Variants in BRAT1 observed in about 807,000 individuals in gnomAD.
BRAT1 encodes BRCA1 associated ATM activator 1, also known as integrator complex assembly factor BRAT1.
In BRAT1, 74 loss-of-function variants were observed where a neutral mutation model predicts 70.6. The observed-to-expected ratio is 1.05, with a 90% CI of 0.87 to 1.27. BRAT1 has a LOEUF of 1.27. Among genes scored for constraint, BRAT1 ranks in the 50% most tolerant of loss-of-function variants. BRAT1 has a pLI of 0.00. For synonymous variants in BRAT1, 615 were observed against 517.1 expected (o/e 1.19, Z -2.57); for missense variants, 1,203 against 1,098.2 (o/e 1.10, Z -1.35).
chr7:2,543,187 T>C lies in BRAT1; in HGVS notation c.923+17A>G, dbSNP rs751831374. On this transcript the variant is annotated intron_variant, in intron 6 of 13. Transcript: ENST00000340611. This position sits in a 1 kb window ranked among gnomAD's most constrained non-coding sequence, Gnocchi z 5.5. ...TCCCAGCACCCGCCTCGGAATGAAA[T>C]GCACCCCAGACCATACCAGTGCTCG... 2 of 1,550,480 alleles carry C rather than the reference T, an allele frequency of 1.3e-6. No homozygotes were observed. Among genetic ancestry groups the C allele is most frequent in the East Asian group, 2.4e-5 (1 of 42,122 alleles).
At chr7:2,546,500 G>A (rs1230723428) in intron 3 of BRAT1, among the ~76,000 whole-genome samples, 3 of 152,204 alleles carry the variant, frequency 2.0e-5, no homozygotes, top group South Asian at 2.1e-4. Context: ...TTGGGAGGCC[G>A]AGGCAGACGG....
chr7:2,542,014 G>T, intron 7 of BRAT1, 106 bp downstream of exon 7: 1 of 1,244,936 alleles, frequency 8.0e-7, no homozygotes, highest in Non-Finnish European at 1.1e-6. Flanking sequence ...GCCTGGGTGT[G>T]ATTAAAGTGG....
In BRAT1 at chr7:2,541,789, G is replaced by C; in HGVS notation, c.1063C>G (p.Leu355Val). 6.2e-7 allele frequency: 1 copy of C among 1,612,850 alleles called. No homozygotes were observed. Among genetic ancestry groups the C allele is most frequent in the Middle Eastern group, 1.7e-4 (1 of 6,058 alleles). ...CCGGCGCAGGACGACTTGGAGGCCA[G>C]GAGTGTGTCCACCGTCGTGGCATCG... The part of the protein sequence containing the change: ...ADDATTVDTL[L>V]ASKSSCAGLL... The change falls in exon 8 of 14, where the codon CTG becomes GTG. Residue 355 changes from leucine (L) to valine (V), a missense_variant. By Grantham distance (32) the Leu-to-Val change is conservative. Coordinates refer to ENST00000340611, the MANE Select transcript of BRAT1 (RefSeq NM_152743.4).
chr7:2,543,543 A>G lies in BRAT1; in HGVS notation c.803+47T>C. 1 of 1,498,118 alleles carries G rather than the reference A, an allele frequency of 6.7e-7. No homozygotes were observed. Among genetic ancestry groups the G allele is most frequent in the Non-Finnish European group, 8.9e-7 (1 of 1,124,154 alleles). 92.8% of individuals were successfully genotyped at this position (1,498,118 alleles called of 1,614,324 possible). ...GACATCCCTGGGCGTTATCCGAGGA[A>G]AACAGTTGCCCACCCAGGCCCCCCA... is the stretch of plus-strand genomic sequence containing the variant. On this transcript the variant is annotated intron_variant, in intron 5 of 13. Coordinates refer to ENST00000340611, the MANE Select transcript of BRAT1 (RefSeq NM_152743.4). This position sits in a 1 kb window ranked among gnomAD's most constrained non-coding sequence, Gnocchi z 5.5.
At chr7:2,547,004 G>T (rs2164690) in intron 3 of BRAT1, among the ~76,000 whole-genome samples, 1 of 53,122 alleles carries the variant, frequency 1.9e-5, no homozygotes, top group Non-Finnish European at 3.2e-5. Context: ...CGGCGCAGCT[G>T]CGACTCCTGT....
rs753918187 is a variant in BRAT1, at chr7:2,541,294, T to A, written c.1321+4A>T. 1 of 1,578,818 alleles carries A rather than the reference T, an allele frequency of 6.3e-7. No homozygotes were observed. Among genetic ancestry groups the A allele is most frequent in the South Asian group, 1.1e-5 (1 of 87,994 alleles). Reference sequence around the variant, plus strand: ...CACGCCAAAGCCGTACAGAACACACTCACCTGTCCCCTGTGACAGCGTCCC... The same window carrying A: ...CACGCCAAAGCCGTACAGAACACACACACCTGTCCCCTGTGACAGCGTCCC... On this transcript the variant is annotated splice_donor_region_variant and intron_variant, in intron 9 of 13. Transcript: ENST00000340611.
intron 3 of BRAT1, among the ~76,000 whole-genome samples, chr7:2,546,909 C>T (rs933303330): frequency 2.0e-5 from 3 of 152,086 alleles, no homozygotes; most frequent in South Asian, 2.1e-4. Flanking sequence ...GGCGCAGCTA[C>T]GACTCCTGTC....
Position 2,538,280 on chromosome 7 carries a change from A to C in BRAT1, c.2255T>G (p.Leu752Arg), listed in dbSNP as rs1184068311. ...CTGCTCACCCGCCCGCCACCTCGGC[A>C]GGGTGGCCTCTGCGGAGGCAGTGTT... ...SPNTASAEAT[L>R]PRWRAGEQAQ... Residue 752 changes from leucine to arginine, a missense_variant, in exon 14 of 14, where the codon CTG becomes CGG. Physicochemically the swap from Leu to Arg is moderately radical, Grantham distance 102. Coordinates refer to ENST00000340611, the MANE Select transcript of BRAT1 (RefSeq NM_152743.4). 1.2e-6 allele frequency: 2 copies of C among 1,612,020 alleles called. No homozygotes were observed. The highest frequency in any genetic ancestry group is 4.5e-5 in the East Asian group (2 of 44,864).
chr7:2,544,840 A>G (rs556667723), intron 4 of BRAT1, 69 bp downstream of exon 4: 3 of 1,528,672 alleles, frequency 2.0e-6, no homozygotes, highest in Non-Finnish European at 2.6e-6. Flanking sequence ...CAGATTCAGC[A>G]AGGTGCAGTG....
Position 2,541,360 on chromosome 7 carries a change from G to C in BRAT1, c.1259C>G (p.Ala420Gly), listed in dbSNP as rs779635361. Residue 420 changes from alanine to glycine, a missense_variant, in exon 9 of 14, where the codon GCG becomes GGG. Ala to Gly is a moderately conservative substitution (Grantham distance 60, BLOSUM62 0). Transcript: ENST00000340611. ...SVGGHLCGTL[A>G]GCVRVQRAAL... ...TGCTCGCTGGACCCGGACGCAGCCC[G>C]CCAGGGTCCCACAGAGGTGGCCCCC... The C allele has an allele frequency of 2.5e-6, 4 of 1,606,984 alleles. No individual in the cohort carries two copies. The East Asian group carries it at 6.7e-5, about 27-fold the overall frequency.
chr7:2,542,254 G>A (rs771843346), intron 6 of BRAT1, 43 bp from the exon 7 acceptor site: 6 of 1,496,816 alleles, frequency 4.0e-6, no homozygotes, highest in Middle Eastern at 1.7e-4. Flanking sequence ...CTGGCTGCGA[G>A]ACAAGTTGGC....
Position 2,545,363 on chromosome 7 carries a change from C to CAAAAAAAAAAAAAAAA in BRAT1, c.283-323_283-308dup, listed in dbSNP as rs1185029266. Among the ~76,000 whole-genome samples, 15 of 25,136 alleles carry CAAAAAAAAAAAAAAAA rather than the reference C, an allele frequency of 6.0e-4. No individual in the cohort carries two copies. In the South Asian group the frequency reaches 7.9e-3, roughly 13 times the overall value. 16.5% of individuals were successfully genotyped at this position (25,136 alleles called of 152,430 possible). On this transcript the variant is annotated intron_variant, in intron 3 of 13. Transcript: ENST00000340611. ...TGGGTGACACAGCGAGACTCCATCT[C>CAAAAAAAAAAAAAAAA]AAAAAAAAAAAAAAAAAAAAAAAAA...
At position 2,546,437 on chromosome 7, in the gene BRAT1, A is replaced by C. The variant is rs201132001; in HGVS notation, c.282+887T>G. Among the ~76,000 whole-genome samples the C allele has an allele frequency of 2.6e-5, 4 of 151,426 alleles. No homozygotes were observed. In the East Asian group the frequency reaches 7.8e-4, roughly 30 times the overall value. On this transcript the variant is annotated intron_variant, in intron 3 of 13. Coordinates refer to ENST00000340611, the MANE Select transcript of BRAT1 (RefSeq NM_152743.4). Reference sequence around the variant, plus strand: ...ACAGAGCAGGACTCTGTCTCTAAAAAACAAAACAAAAAAAGGCCGGGTATG... The same window carrying C: ...ACAGAGCAGGACTCTGTCTCTAAAACACAAAACAAAAAAAGGCCGGGTATG...
At chr7:2,553,017 T>G (rs1036014810) in intron 2 of BRAT1, among the ~76,000 whole-genome samples, 1 of 152,040 alleles carries the variant, frequency 6.6e-6, no homozygotes, top group East Asian at 1.9e-4. Context: ...GTGCTGGGAT[T>G]ACAGGCTTGA....
rs1292583379 is a variant in BRAT1, at chr7:2,539,567, G to C, written c.1574C>G (p.Thr525Ser). 6.4e-7 allele frequency: 1 copy of C among 1,574,338 alleles called. No individual in the cohort carries two copies. Among genetic ancestry groups the C allele is most frequent in the Non-Finnish European group, 8.6e-7 (1 of 1,159,160 alleles). Residue 525 changes from threonine to serine, a missense_variant, in exon 12 of 14, where the codon ACC becomes AGC. Thr to Ser is a moderately conservative substitution (Grantham distance 58, BLOSUM62 1). Transcript: ENST00000340611. ...ACCTCCCCAGTGCCTGCTCAGCTGG[G>C]TCAGGAACTCGAGGGCGGAGTCCCT... Reference protein sequence around the residue: ...EVRDSALEFLTQLSRHWGGQA... With the variant: ...EVRDSALEFLSQLSRHWGGQA...
Position 2,538,763 on chromosome 7 carries a change from C to G in BRAT1, c.1772G>C (p.Ser591Thr). The change falls in exon 14 of 14, where the codon AGC becomes ACC. Residue 591 changes from serine to threonine, a missense_variant and splice_region_variant. Transcript: ENST00000340611. ...GATGTGCAGGAGCTCCAGGAACAGG[C>G]TCTGGGGGACAGGGAGCAAGTGCGG... ...TSPEHAEARQ[S>T]LFLELLHILS... 6.3e-7 allele frequency: 1 copy of G among 1,598,248 alleles called. No homozygotes were observed. The highest frequency in any genetic ancestry group is 8.5e-7 in the Non-Finnish European group (1 of 1,179,834).
Position 2,543,833 on chromosome 7 carries a change from G to C in BRAT1, c.560C>G (p.Pro187Arg), listed in dbSNP as rs551655837. ...RGGAEGQPCL[P>R]GGDWPACAQK... ...GGCACACGCGGGCCAGTCACCCCCC[G>C]GCAGGCAGGGCTGCCCCTCGGCTCC... Residue 187 changes from proline (P) to arginine (R), a missense_variant, in exon 5 of 14, where the codon CCG becomes CGG. Pro to Arg is a moderately radical substitution (Grantham distance 103). Transcript: ENST00000340611. This position sits in a 1 kb window ranked among gnomAD's most constrained non-coding sequence, Gnocchi z 5.5. 249 of 1,612,868 alleles carry C rather than the reference G, an allele frequency of 1.5e-4. 1 individual carries two copies. The South Asian group carries it at 1.8e-3, about 12-fold the overall frequency.
At position 2,538,191 on chromosome 7, in the gene BRAT1, C is replaced by T; in HGVS notation, c.2344G>A (p.Glu782Lys). 6.2e-7 allele frequency: 1 copy of T among 1,609,710 alleles called. No homozygotes were observed. Among genetic ancestry groups the T allele is most frequent in the Non-Finnish European group, 8.5e-7 (1 of 1,177,946 alleles). Residue 782 changes from glutamate (E) to lysine (K), a missense_variant, in exon 14 of 14, where the codon GAG (glutamate) becomes AAG (lysine). Glu to Lys is a moderately conservative substitution (Grantham distance 56, BLOSUM62 1). Transcript: ENST00000340611. Reference protein sequence around the residue: ...VLAMLRSLDLEGLRSTLAESS... With the variant: ...VLAMLRSLDLKGLRSTLAESS... ...TCGGCCAGCGTGCTCCGCAGGCCCT[C>T]CAGGTCTAGGGACCTGAGCATGGCC... is the stretch of plus-strand genomic sequence containing the variant.
chr7:2,539,839 G>C lies in BRAT1; in HGVS notation c.1445C>G (p.Pro482Arg). 6.2e-7 allele frequency: 1 copy of C among 1,607,974 alleles called. No individual in the cohort carries two copies. The highest frequency in any genetic ancestry group is 1.7e-5 in the Admixed American group (1 of 58,988). Residue 482 changes from proline to arginine, a missense_variant, in exon 11 of 14, where the codon CCC becomes CGC. Pro to Arg is a moderately radical substitution (Grantham distance 103). Transcript: ENST00000340611. ...QATLRWLLSS[P>R]KTPGCSDLGP... ...GAGATCAGAGCAGCCGGGGGTCTTG[G>C]GTGAGCTCAGGAGCCACCTGAGCGT...
Sources: allele counts gnomAD v4.1 joint callset (sites outside exome capture counted in the v4.1 genomes callset), GRCh38; gene constraint gnomAD v4.1.1; non-coding constraint Gnocchi (gnomAD v3.1); transcripts MANE v1.5; gene names NCBI Gene and HGNC (gene_info 2026-07-23, HGNC 2026-07-21).